The following CUL5 variants were observed in gnomAD, a reference collection of about 807,000 sequenced individuals.
CUL5 encodes cullin-5.
Under a neutral mutation model 108.8 loss-of-function variants are expected in CUL5, and 26 were observed. The observed-to-expected ratio is 0.24, with a 90% CI of 0.18 to 0.33. CUL5 has a LOEUF of 0.33. Ranked by LOEUF, CUL5 falls within the 10% of genes least tolerant of loss-of-function variation. The pLI, the probability that CUL5 is intolerant of heterozygous loss-of-function variation, is 1.00. For synonymous variants in CUL5, 334 were observed against 298.0 expected, an observed-to-expected ratio of 1.12 and a Z score of -1.25; for missense variants, 524 against 909.2, an observed-to-expected ratio of 0.58 and a Z score of 5.45.
At chr11:108,100,630 A>G (rs1165874844) in intron 18 of CUL5, among the ~76,000 whole-genome samples, 1 of 152,232 alleles carries the variant, frequency 6.6e-6, no homozygotes, top group East Asian at 1.9e-4. Flanking sequence ...TCTATGACCT[A>G]TGGAAAGAAA....
chr11:108,100,140 C>T (rs753935924), intron 18 of CUL5, among the ~76,000 whole-genome samples: 1 of 150,986 alleles, frequency 6.6e-6, no homozygotes, highest in Non-Finnish European at 1.5e-5. Context: ...GATTGAGAAA[C>T]TTAAAAAAAT....
At position 108,035,986 on chromosome 11, in the gene CUL5, G is replaced by A. The variant is rs143480285; in HGVS notation, c.134+2075G>A. On this transcript the variant is annotated intron_variant, in intron 2 of 18. Coordinates refer to ENST00000393094, the MANE Select transcript of CUL5 (RefSeq NM_003478.6). ...AGGCTCGCAGCCATATTTCAAGTCC[G>A]AGTGATCAGCGAGACTGTCCTAAGT... Among the ~76,000 whole-genome samples the A allele has an allele frequency of 3.3e-4, 51 of 152,258 alleles. 1 individual carries two copies. In the East Asian group the frequency reaches 9.3e-3, roughly 28 times the overall value.
At chr11:108,020,702 A>C (rs1349999481) in intron 1 of CUL5, among the ~76,000 whole-genome samples, 1 of 152,196 alleles carries the variant, frequency 6.6e-6, no homozygotes, top group South Asian at 2.1e-4. Flanking sequence ...GTTTCACGAT[A>C]AGTGTTATTT....
chr11:108,046,316 A>G lies in CUL5; in HGVS notation c.181A>G (p.Ile61Val). 6.2e-7 allele frequency: 1 copy of G among 1,613,332 alleles called. No individual in the cohort carries two copies. Among genetic ancestry groups the G allele is most frequent in the East Asian group, 2.2e-5 (1 of 44,796 alleles). Residue 61 changes from isoleucine (I) to valine (V), a missense_variant, in exon 3 of 19, where the codon ATT becomes GTT. By Grantham distance (29) the Ile-to-Val change is conservative. Transcript: ENST00000393094. ...TTGGGATGATAAAGGCCCAGCAAAA[A>G]TTCATCAGGCTTTAAAAGAAGATAT... Reference protein sequence around the residue: ...CLWDDKGPAKIHQALKEDILE... With the variant: ...CLWDDKGPAKVHQALKEDILE...
At chr11:108,017,059 A>T (rs973289248) in intron 1 of CUL5, among the ~76,000 whole-genome samples, 36 of 152,150 alleles carry the variant, frequency 2.4e-4, no homozygotes, top group African/African-American at 8.5e-4. Flanking sequence ...TGTTCATTCC[A>T]TAAAAATCTG....
At chr11:108,051,580 G>A (rs1214587034) in intron 4 of CUL5, among the ~76,000 whole-genome samples, 1 of 152,160 alleles carries the variant, frequency 6.6e-6, no homozygotes, top group Non-Finnish European at 1.5e-5. Flanking sequence ...TGTCATTAAT[G>A]TATCTCCTAC....
intron 10 of CUL5, among the ~76,000 whole-genome samples, chr11:108,076,355 A>G (rs569844914): frequency 6.6e-6 from 1 of 152,154 alleles, no homozygotes; most frequent in South Asian, 2.1e-4. Context: ...TACTACCTAT[A>G]GTTCTCATGC....
At chr11:108,049,678 T>G (rs1015966076) in intron 3 of CUL5, among the ~76,000 whole-genome samples, 21 of 152,298 alleles carry the variant, frequency 1.4e-4, no homozygotes, top group Middle Eastern at 3.4e-3. Context: ...TAATGGATAT[T>G]TGGGTTGTTT....
At chr11:108,033,231 G>A (rs531902626) in intron 1 of CUL5, among the ~76,000 whole-genome samples, 30 of 152,276 alleles carry the variant, frequency 2.0e-4, no homozygotes, top group African/African-American at 7.0e-4. Context: ...CAGTATGCAC[G>A]AGTACCATCA....
In CUL5 at chr11:108,095,574, C is replaced by T. The variant is rs780901056; in HGVS notation, c.1788C>T (p.Thr596=). The part of the protein sequence containing the change: ...NEVGQYDLEV[T]TFQLAVLFAW... ...TTGGTCAATATGATTTGGAGGTAACCACGTTTCAGCTCGCTGTATTGTTTG... is the reference window on the plus strand; with the variant it reads ...TTGGTCAATATGATTTGGAGGTAACTACGTTTCAGCTCGCTGTATTGTTTG... Residue 596 remains threonine (T), a synonymous_variant, in exon 16 of 19, where the codon ACC becomes ACT. Coordinates refer to ENST00000393094, the MANE Select transcript of CUL5 (RefSeq NM_003478.6). 2.4e-5 allele frequency: 38 copies of T among 1,613,046 alleles called. No individual in the cohort carries two copies. The highest frequency in any genetic ancestry group is 6.7e-5 in the East Asian group (3 of 44,848).
rs1864806315 is a variant in CUL5 at position 108,106,553 on chromosome 11, T to C, written c.*2169T>C. 1 of 150,088 alleles carries C rather than the reference T, an allele frequency of 6.7e-6. No individual in the cohort carries two copies. The highest frequency in any genetic ancestry group is 2.5e-5 in the African/African-American group (1 of 40,338). The allele number at this position is 150,088 out of a possible 1,614,324, so 9.3% of individuals were successfully genotyped here. On this transcript the variant is annotated 3_prime_UTR_variant, in exon 19 of 19. Transcript: ENST00000393094. ...GTACAGTTTTCTTTTTTTTTTTTTTTTGGTTATGTATACAAAAGTTTTAAC... is the reference window on the plus strand; with the variant it reads ...GTACAGTTTTCTTTTTTTTTTTTTTCTGGTTATGTATACAAAAGTTTTAAC...
intron 16 of CUL5, 78 bp from the exon 17 acceptor site, chr11:108,097,558 G>A: frequency 1.3e-6 from 1 of 787,294 alleles, no homozygotes. Context: ...TCTTGCCTAT[G>A]TTGATTATGT....
chr11:108,013,084 G>A (rs1177035496), intron 1 of CUL5, among the ~76,000 whole-genome samples: 1 of 152,114 alleles, frequency 6.6e-6, no homozygotes, highest in East Asian at 1.9e-4. Context: ...GCAACCTCCT[G>A]ATTATCAAAT....
At position 108,009,269 on chromosome 11, in the gene CUL5, G is replaced by T; in HGVS notation, c.-80G>T. 1 of 1,532,064 alleles carries T rather than the reference G, an allele frequency of 6.5e-7. No individual in the cohort carries two copies. Among genetic ancestry groups the T allele is most frequent in the Non-Finnish European group, 9.0e-7 (1 of 1,111,188 alleles). 94.9% of individuals were successfully genotyped at this position (1,532,064 alleles called of 1,614,324 possible). A position where few individuals can be genotyped will look rare whatever the true frequency, so the allele number is the denominator to read the frequency against. ...GCCGACGGGCCCTGGGCCCTGGTGG[G>T]AGCTCCGGCCTCCGGTCAAGGCCTG... On this transcript the variant is annotated 5_prime_UTR_variant, in exon 1 of 19. Coordinates refer to ENST00000393094, the MANE Select transcript of CUL5 (RefSeq NM_003478.6).
intron 1 of CUL5, among the ~76,000 whole-genome samples, chr11:108,020,960 T>G (rs181438425): frequency 1.8e-4 from 27 of 152,304 alleles, no homozygotes; most frequent in Admixed American, 1.5e-3. Flanking sequence ...GGTCTACCAT[T>G]TTTTATCTTT....
At chr11:108,022,277 T>G (rs1565233065) in intron 1 of CUL5, among the ~76,000 whole-genome samples, 1 of 152,220 alleles carries the variant, frequency 6.6e-6, no homozygotes, top group East Asian at 1.9e-4. Flanking sequence ...ATTATTTTGT[T>G]GTAAAGTAAG....
At chr11:108,034,471 T>G (rs1862676290) in intron 2 of CUL5, among the ~76,000 whole-genome samples, 1 of 152,212 alleles carries the variant, frequency 6.6e-6, no homozygotes, top group African/African-American at 2.4e-5. Context: ...ATTCAAGTTC[T>G]CAGATGCCAG....
intron 14 of CUL5, 96 bp downstream of exon 14, chr11:108,094,610 G>A (rs1329232724): frequency 9.3e-6 from 8 of 857,752 alleles, no homozygotes; most frequent in Admixed American, 3.4e-5. Flanking sequence ...GTAATAGATC[G>A]AAAGATGTTA....
intron 1 of CUL5, among the ~76,000 whole-genome samples, chr11:108,013,131 GTAT>G (rs1565481275): frequency 6.6e-6 from 1 of 151,980 alleles, no homozygotes; most frequent in East Asian, 1.9e-4. Flanking sequence ...CTCTTTTCTG[GTAT>G]TATTGCTCAT....
Sources: gnomAD v4.1 joint callset for allele counts (sites outside exome capture counted in the v4.1 genomes callset) on GRCh38, gnomAD v4.1.1 for gene constraint, MANE v1.5 for transcripts, NCBI Gene and HGNC (gene_info 2026-07-23, HGNC 2026-07-21) for gene names.